Variants in ZCCHC7 observed in about 807,000 individuals in gnomAD.
The protein encoded by ZCCHC7 is zinc finger CCHC domain-containing protein 7.
In ZCCHC7, 35 loss-of-function variants were observed where a neutral mutation model predicts 52.0. That is an observed-to-expected ratio of 0.67 (90% confidence interval 0.51 to 0.89). The LOEUF (loss-of-function observed/expected upper bound fraction) is 0.89. ZCCHC7 is among the 40% of genes least tolerant of loss of function. The probability of loss-of-function intolerance (pLI) is 0.00; values close to 1 mark genes in which losing one functional copy is unlikely to be tolerated. For missense variants in ZCCHC7, 574 were observed against 649.1 expected, an observed-to-expected ratio of 0.88 and a Z score of 1.26; for synonymous variants, 217 against 221.5, an observed-to-expected ratio of 0.98 and a Z score of 0.18.
intron 2 of ZCCHC7, among the ~76,000 whole-genome samples, chr9:37,193,893 G>C (rs1315997776): frequency 1.3e-5 from 2 of 152,252 alleles, no homozygotes; most frequent in East Asian, 3.9e-4. Flanking sequence ...CCTCCATGAA[G>C]CTTGTCCTGT....
Position 37,126,303 on chromosome 9 carries a change from CTT to C in ZCCHC7, c.-21-6_-21-5del. On this transcript the variant is annotated splice_region_variant and splice_polypyrimidine_tract_variant and intron_variant, in intron 1 of 8. Transcript: ENST00000336755. The stretch of plus-strand genomic sequence containing the variant: ...AAGTATATTCTGTGTACAACTTTCT[CTT>C]TTGCAGCTTCAAGGTTACTGACTTT... 3.8e-6 allele frequency: 6 copies of C among 1,588,634 alleles called. No homozygotes were observed. The highest frequency in any genetic ancestry group is 1.2e-5 in the South Asian group (1 of 86,634).
At chr9:37,349,867 A>T (rs1443530438) in intron 7 of ZCCHC7, among the ~76,000 whole-genome samples, 2 of 151,880 alleles carry the variant, frequency 1.3e-5, no homozygotes, top group South Asian at 4.2e-4. Context: ...AGCTCACTGC[A>T]ACCTCCTTCT....
chr9:37,305,514 A>G (rs1235987531), intron 4 of ZCCHC7, 30 bp from the exon 5 acceptor site: 5 of 1,610,926 alleles, frequency 3.1e-6, no homozygotes, highest in Non-Finnish European at 4.2e-6. Context: ...TTTGAGACTG[A>G]AGAGATTTTA....
At chr9:37,268,523 T>G (rs1236069074) in intron 2 of ZCCHC7, among the ~76,000 whole-genome samples, 1 of 151,828 alleles carries the variant, frequency 6.6e-6, no homozygotes, top group Non-Finnish European at 1.5e-5. Context: ...ACATCCCAAG[T>G]TCACACCATT....
In ZCCHC7 at chr9:37,306,316, G is replaced by A. The variant is rs184131322; in HGVS notation, c.951+602G>A. On this transcript the variant is annotated intron_variant, in intron 5 of 8. Transcript: ENST00000336755. ...ACTCCTGACCTTAGGTGATCTGCCC[G>A]CCTCAGCCTCCTAAAGTGCTGGGAT... Among the ~76,000 whole-genome samples, 293 of 152,006 alleles carry A rather than the reference G, an allele frequency of 1.9e-3. 3 individuals are homozygous for A. The South Asian group carries it at 0.02, about 10-fold the overall frequency.
At chr9:37,152,981 T>A (rs186847863) in intron 2 of ZCCHC7, among the ~76,000 whole-genome samples, 1 of 152,324 alleles carries the variant, frequency 6.6e-6, no homozygotes, top group Admixed American at 6.5e-5. Flanking sequence ...TTGTATCAAC[T>A]TGTGGATATT....
intron 2 of ZCCHC7, among the ~76,000 whole-genome samples, chr9:37,214,814 TAATG>T (rs983299693): frequency 6.6e-6 from 1 of 152,080 alleles, no homozygotes; most frequent in Non-Finnish European, 1.5e-5. Context: ...GCATTGGTAA[TAATG>T]AAGCTCAATT....
At chr9:37,291,425 A>G (rs987613269) in intron 2 of ZCCHC7, among the ~76,000 whole-genome samples, 2 of 152,014 alleles carry the variant, frequency 1.3e-5, no homozygotes, top group African/African-American at 2.4e-5. Context: ...TCATCACACA[A>G]TATATGACAG....
chr9:37,156,112 T>C (rs973785646), intron 2 of ZCCHC7, among the ~76,000 whole-genome samples: 1 of 152,238 alleles, frequency 6.6e-6, no homozygotes, highest in Non-Finnish European at 1.5e-5. Context: ...AGCTAAACAT[T>C]GGGATCAGAT....
At chr9:37,316,883 T>TA (rs1210887920) in intron 5 of ZCCHC7, among the ~76,000 whole-genome samples, 2 of 143,198 alleles carry the variant, frequency 1.4e-5, no homozygotes, top group East Asian at 2.0e-4. Flanking sequence ...TTTTTTTTTT[T>TA]AATATACCAA....
intron 2 of ZCCHC7, among the ~76,000 whole-genome samples, chr9:37,154,091 T>C (rs2132851862): frequency 6.6e-6 from 1 of 152,248 alleles, no homozygotes; most frequent in Non-Finnish European, 1.5e-5. Flanking sequence ...GGTCTCACTC[T>C]GTTGCCCAGG....
At chr9:37,241,967 A>AT (rs1251022510) in intron 2 of ZCCHC7, among the ~76,000 whole-genome samples, 1 of 151,384 alleles carries the variant, frequency 6.6e-6, no homozygotes, top group South Asian at 2.1e-4. Flanking sequence ...ACATTGCACC[A>AT]TTTTTTTCTG....
intron 2 of ZCCHC7, among the ~76,000 whole-genome samples, chr9:37,135,226 G>A (rs1842950638): frequency 1.3e-5 from 2 of 152,116 alleles, no homozygotes; most frequent in Admixed American, 6.5e-5. Context: ...AATACTTTTT[G>A]AAAGTGAATG....
chr9:37,141,951 G>C (rs1843245997), intron 2 of ZCCHC7, among the ~76,000 whole-genome samples: 1 of 151,776 alleles, frequency 6.6e-6, no homozygotes, highest in Non-Finnish European at 1.5e-5. Flanking sequence ...GTTATTGTTA[G>C]AAGTCAAAAG....
At chr9:37,203,846 T>C (rs1158249522) in intron 2 of ZCCHC7, among the ~76,000 whole-genome samples, 2 of 152,214 alleles carry the variant, frequency 1.3e-5, no homozygotes, top group Non-Finnish European at 2.9e-5. Flanking sequence ...CTGGGTCAAA[T>C]GGTATTGCTG....
intron 3 of ZCCHC7, among the ~76,000 whole-genome samples, chr9:37,303,222 C>T (rs1015188015): frequency 2.0e-5 from 3 of 151,928 alleles, no homozygotes; most frequent in South Asian, 2.1e-4. Flanking sequence ...GTCAGGAGTT[C>T]GAAATCAGAC....
chr9:37,306,108 C>T (rs1829290989), intron 5 of ZCCHC7, among the ~76,000 whole-genome samples: 1 of 152,026 alleles, frequency 6.6e-6, no homozygotes, highest in Non-Finnish European at 1.5e-5. Context: ...CACTCTGTCA[C>T]CCAGGCTGGA....
At chr9:37,344,499 C>G (rs934590081) in intron 6 of ZCCHC7, among the ~76,000 whole-genome samples, 1 of 152,148 alleles carries the variant, frequency 6.6e-6, no homozygotes, top group Non-Finnish European at 1.5e-5. Flanking sequence ...TTCAAATCCT[C>G]AAATTTGGTA....
chr9:37,285,170 G>A (rs1355628066), intron 2 of ZCCHC7, among the ~76,000 whole-genome samples: 4 of 152,088 alleles, frequency 2.6e-5, no homozygotes, highest in Non-Finnish European at 5.9e-5. Flanking sequence ...AGAAGTTTGA[G>A]GAAGCAGATG....
Sources: allele counts gnomAD v4.1 joint callset (sites outside exome capture counted in the v4.1 genomes callset), GRCh38; gene constraint gnomAD v4.1.1; transcripts MANE v1.5; gene names NCBI Gene and HGNC (gene_info 2026-07-23, HGNC 2026-07-21).